FAM222B: variants seen among roughly 807,000 people sequenced by gnomAD.
FAM222B encodes the protein protein FAM222B.
FAM222B carries 12 observed loss-of-function variants against 38.0 expected under a neutral mutation model. That is an observed-to-expected ratio of 0.32 (90% CI 0.20 to 0.51). The LOEUF (loss-of-function observed/expected upper bound fraction) is 0.51, where lower values mean the gene tolerates loss of function less well. Among genes scored for constraint, FAM222B ranks in the 20% least tolerant of loss-of-function variants. The probability of loss-of-function intolerance (pLI) is 0.97; values close to 1 mark genes in which losing one functional copy is unlikely to be tolerated. For missense variants in FAM222B, 716 were observed against 754.2 expected (o/e 0.95, Z 0.59); for synonymous variants, 329 against 317.2 (o/e 1.04, Z -0.40).
intron 2 of FAM222B, chr17:28,762,279 A>G (rs1241270861): frequency 6.6e-6 from 1 of 152,194 alleles, no homozygotes; most frequent in Non-Finnish European, 1.5e-5. Flanking sequence ...AAGGGGTATC[A>G]TTCTGGGAAT....
intron 1 of FAM222B, among the ~76,000 whole-genome samples, chr17:28,775,190 AGGG>A: frequency 6.6e-6 from 1 of 151,436 alleles, no homozygotes; most frequent in African/African-American, 2.4e-5. Flanking sequence ...TAGTACAAAC[AGGG>A]TTTCACCATG....
intron 1 of FAM222B, among the ~76,000 whole-genome samples, chr17:28,851,873 C>CA (rs35357029): frequency 0.048 from 5,356 of 112,470 alleles, 157 homozygotes; most frequent in Middle Eastern, 0.075. Flanking sequence ...GACTCCATCT[C>CA]AAAAAAAAAA....
intron 1 of FAM222B, among the ~76,000 whole-genome samples, chr17:28,800,113 C>A (rs1040217959): frequency 1.5e-4 from 23 of 151,816 alleles, no homozygotes; most frequent in Non-Finnish European, 2.9e-4. Context: ...CTCACAGCAA[C>A]CTCCGCCTCC....
At chr17:28,836,206 T>C (rs1237343702) in intron 1 of FAM222B, among the ~76,000 whole-genome samples, 2 of 151,742 alleles carry the variant, frequency 1.3e-5, no homozygotes, top group African/African-American at 4.8e-5. Flanking sequence ...GCCAGGCTGG[T>C]CTCAAACCCC....
Position 28,792,001 on chromosome 17 carries a change from AC to A in FAM222B, c.-40-25295del, listed in dbSNP as rs1165815873. ...AGACCACCCTGGATAGCAAAGTGAG[AC>A]CATGTCTAAAAAAATTAGCCAGGTG... On this transcript the variant is annotated intron_variant, in intron 1 of 2. Coordinates refer to ENST00000581407, the MANE Select transcript of FAM222B (RefSeq NM_001077498.3). Among the ~76,000 whole-genome samples, 31 of 151,258 alleles carry A rather than the reference AC, an allele frequency of 2.0e-4. No individual in the cohort carries two copies. In the South Asian group the frequency reaches 2.3e-3, roughly 11 times the overall value.
At chr17:28,816,138 A>G (rs900146165) in intron 1 of FAM222B, among the ~76,000 whole-genome samples, 64 of 150,156 alleles carry the variant, frequency 4.3e-4, no homozygotes, top group Non-Finnish European at 1.8e-4. Flanking sequence ...TTAGCCCAGT[A>G]TGGTAGTGGG....
At chr17:28,766,745 A>C in intron 1 of FAM222B, 38 bp from the exon 2 acceptor site, 1 of 1,180,916 alleles carries the variant, frequency 8.5e-7, no homozygotes, top group Non-Finnish European at 1.2e-6. Context: ...AACACAAGGC[A>C]ACTCATTCGA....
intron 1 of FAM222B, among the ~76,000 whole-genome samples, chr17:28,836,176 G>A (rs1437868094): frequency 1.3e-5 from 2 of 151,636 alleles, no homozygotes; most frequent in South Asian, 4.2e-4. Flanking sequence ...TTTTAGAAGA[G>A]ATGGGGTTTC....
chr17:28,795,273 T>C (rs998979015), intron 1 of FAM222B, among the ~76,000 whole-genome samples: 2 of 152,046 alleles, frequency 1.3e-5, no homozygotes, highest in African/African-American at 4.8e-5. Flanking sequence ...GCCTGCCAAG[T>C]AGATGGGATT....
intron 1 of FAM222B, among the ~76,000 whole-genome samples, chr17:28,808,408 T>C (rs2037590091): frequency 6.6e-6 from 1 of 152,338 alleles, no homozygotes; most frequent in East Asian, 1.9e-4. Flanking sequence ...CAAGGATTCT[T>C]AAAGGACAGT....
intron 1 of FAM222B, among the ~76,000 whole-genome samples, chr17:28,782,864 G>A (rs1385638234): frequency 3.9e-5 from 6 of 152,052 alleles, no homozygotes; most frequent in East Asian, 1.9e-4. Flanking sequence ...TCGGCCGGGC[G>A]CGGTGGCTCA....
chr17:28,844,515 G>C (rs1378645073), upstream of FAM222B, among the ~76,000 whole-genome samples: 2 of 151,924 alleles, frequency 1.3e-5, no homozygotes, highest in African/African-American at 2.4e-5. Context: ...AAAATTAGCC[G>C]GGCGTGGTGG....
intron 1 of FAM222B, among the ~76,000 whole-genome samples, chr17:28,836,244 T>C (rs1287529893): frequency 1.3e-5 from 2 of 151,144 alleles, no homozygotes; most frequent in Non-Finnish European, 3.0e-5. Flanking sequence ...CGCCTCGGCC[T>C]CCCAAAGTGC....
rs781084156 is a variant in FAM222B, at chr17:28,759,369, C to A, written c.590G>T (p.Gly197Val). Reference sequence around the variant, plus strand: ...GGTTTGGGCCATGGGCTGAGGGTGGCCCAGGCCCTGAGGCTGCTGGAGGCT... The same window carrying A: ...GGTTTGGGCCATGGGCTGAGGGTGGACCAGGCCCTGAGGCTGCTGGAGGCT... ...PQSLQQPQGL[G>V]HPQPMAQTQG... The change falls in exon 3 of 3, where the codon GGC becomes GTC. Residue 197 changes from glycine (G) to valine (V), a missense_variant. Physicochemically the swap from Gly to Val is moderately radical, Grantham distance 109. Transcript: ENST00000581407. This position sits in a 1 kb window ranked among gnomAD's most constrained non-coding sequence, Gnocchi z 4.8. The A allele has an allele frequency of 6.2e-6, 10 of 1,608,002 alleles. No individual in the cohort carries two copies. In the Admixed American group the frequency reaches 1.5e-4, roughly 25 times the overall value.
intron 1 of FAM222B, among the ~76,000 whole-genome samples, chr17:28,807,062 C>G (rs946204687): frequency 6.6e-6 from 1 of 151,682 alleles, no homozygotes; most frequent in Middle Eastern, 3.4e-3. Flanking sequence ...GTTGCCCAGG[C>G]TGGAGTGCAA....
intron 1 of FAM222B, among the ~76,000 whole-genome samples, chr17:28,799,968 C>T (rs1216402132): frequency 6.6e-6 from 1 of 151,856 alleles, no homozygotes; most frequent in African/African-American, 2.4e-5. Flanking sequence ...ATACCAAAGA[C>T]TGCTGTTGTA....
intron 1 of FAM222B, among the ~76,000 whole-genome samples, chr17:28,779,751 A>AAAATAAATAAATAAAT (rs57583458): frequency 4.1e-5 from 6 of 144,594 alleles, no homozygotes; most frequent in East Asian, 4.1e-4. Flanking sequence ...ACTCCGTCTC[A>AAAATAAATAAATAAAT]AAATAAATAA....
chr17:28,839,653 TGTAGTAG>T (rs2038966059), intron 1 of FAM222B, among the ~76,000 whole-genome samples: 1 of 152,160 alleles, frequency 6.6e-6, no homozygotes, highest in Non-Finnish European at 1.5e-5. Flanking sequence ...CTCTACTCCA[TGTAGTAG>T]TCAAACATGG....
At chr17:28,815,859 C>T (rs1246861071) in intron 1 of FAM222B, among the ~76,000 whole-genome samples, 3 of 151,536 alleles carry the variant, frequency 2.0e-5, no homozygotes, top group Non-Finnish European at 4.4e-5. Flanking sequence ...CCCAGCTACT[C>T]AGCAGGCTGA....
Sources: gnomAD v4.1 joint callset for allele counts (sites outside exome capture counted in the v4.1 genomes callset) on GRCh38, gnomAD v4.1.1 for gene constraint, Gnocchi (gnomAD v3.1) non-coding constraint, MANE v1.5 for transcripts, NCBI Gene and HGNC (gene_info 2026-07-23, HGNC 2026-07-21) for gene names.